Variants in SKI observed in about 807,000 individuals in gnomAD.
The protein encoded by SKI is SKI proto-oncogene.
Under a neutral mutation model 59.3 loss-of-function variants are expected in SKI, and 23 were observed. The observed-to-expected ratio is 0.39, with a 90% confidence interval of 0.28 to 0.55. The LOEUF is 0.55. SKI is among the 20% of genes least tolerant of loss of function. SKI has a pLI of 0.67. For missense variants in SKI, 1,017 were observed against 1,038.9 expected, an observed-to-expected ratio of 0.98 and a Z score of 0.29; for synonymous variants, 673 against 488.6, an observed-to-expected ratio of 1.38 and a Z score of -4.98.
At chr1:2,255,029 C>T (rs1282018750) in intron 1 of SKI, among the ~76,000 whole-genome samples, 1 of 152,164 alleles carries the variant, frequency 6.6e-6, no homozygotes, top group Non-Finnish European at 1.5e-5. Context: ...ACCCCACGTG[C>T]TTGTTAGGCC....
At chr1:2,238,062 G>T (rs1190227505) in intron 1 of SKI, among the ~76,000 whole-genome samples, 1 of 152,200 alleles carries the variant, frequency 6.6e-6, no homozygotes, top group Non-Finnish European at 1.5e-5. Flanking sequence ...CCAGGTCCCC[G>T]CCTGGTGTGG....
At chr1:2,262,133 C>G (rs1639400946) in intron 1 of SKI, among the ~76,000 whole-genome samples, 1 of 136,660 alleles carries the variant, frequency 7.3e-6, no homozygotes, top group Non-Finnish European at 1.5e-5. Flanking sequence ...GGCGTGGAAT[C>G]AGAGTTTGGG....
Position 2,228,886 on chromosome 1 carries a change from G to T in SKI, c.120G>T (p.Ala40=). ...TGGGCGGCCCGGCCGCTTTCTCGGC[G>T]CGCTGGGCGCAGGAGGCCTACAAGA... ...SSLGGPAAFS[A]RWAQEAYKKE... is the part of the protein sequence containing the mutation. Residue 40 remains alanine, a synonymous_variant, in exon 1 of 7, where the codon GCG becomes GCT. Transcript: ENST00000378536. The T allele has an allele frequency of 7.0e-7, 1 of 1,426,066 alleles. No individual in the cohort carries two copies. The highest frequency in any genetic ancestry group is 9.2e-7 in the Non-Finnish European group (1 of 1,085,684). The allele number at this position is 1,426,066 out of a possible 1,614,324, so 88.3% of individuals were successfully genotyped here.
At chr1:2,284,579 G>A (rs537034912) in intron 1 of SKI, among the ~76,000 whole-genome samples, 1 of 152,338 alleles carries the variant, frequency 6.6e-6, no homozygotes, top group East Asian at 1.9e-4. Context: ...CCCCAGTGGT[G>A]TGGGGGTGGT....
At chr1:2,259,342 A>C (rs1337527222) in intron 1 of SKI, among the ~76,000 whole-genome samples, 1 of 152,190 alleles carries the variant, frequency 6.6e-6, no homozygotes, top group African/African-American at 2.4e-5. Context: ...GAGAAAGAAT[A>C]ATTGTAACGC....
rs1159210913 is a variant in SKI at position 2,270,575 on chromosome 1, C to T, written c.970-32403C>T. 3.9e-5 allele frequency among the ~76,000 whole-genome samples: 6 copies of T among 152,182 alleles called. No individual in the cohort carries two copies. The highest frequency in any genetic ancestry group is 7.4e-5 in the Non-Finnish European group (5 of 68,020). On this transcript the variant is annotated intron_variant, in intron 1 of 6. Transcript: ENST00000378536. The surrounding 1 kb of genome is among the most constrained non-coding windows in gnomAD (Gnocchi z 4.1). The stretch of plus-strand genomic sequence containing the variant: ...GAGGGGGCGCTGGGGAAACAAGCTG[C>T]CGGCTGAGGAGGCCGCACTCCCCGT...
chr1:2,277,867 ACAT>A (rs1158763989), intron 1 of SKI, among the ~76,000 whole-genome samples: 5 of 151,378 alleles, frequency 3.3e-5, no homozygotes, highest in South Asian at 2.1e-4. Flanking sequence ...GTGCACACAC[ACAT>A]CAGCACCGTG....
In SKI at chr1:2,228,435, C is replaced by A. The variant is rs1638550232; in HGVS notation, c.-332C>A. Among the ~76,000 whole-genome samples the A allele has an allele frequency of 7.1e-6, 1 of 141,342 alleles. No homozygotes were observed. Among genetic ancestry groups the A allele is most frequent in the Non-Finnish European group, 1.6e-5 (1 of 64,212 alleles). The allele number at this position is 141,342 out of a possible 152,430, so 92.7% of individuals were successfully genotyped here. On this transcript the variant is annotated 5_prime_UTR_variant, in exon 1 of 7. Transcript: ENST00000378536. ...CCGCGAGCGTTGGCGTTGGCGTTGG[C>A]GGCGCGCGCCGGGGCATGCCCCGCG...
chr1:2,230,647 C>T (rs967055637), intron 1 of SKI, among the ~76,000 whole-genome samples: 5 of 152,278 alleles, frequency 3.3e-5, no homozygotes, highest in African/African-American at 1.2e-4. Flanking sequence ...TCCCAGGCCA[C>T]GAGGTGCCGA....
chr1:2,298,383 T>C (rs559513685), intron 1 of SKI, among the ~76,000 whole-genome samples: 3 of 152,276 alleles, frequency 2.0e-5, no homozygotes, highest in African/African-American at 7.2e-5. Flanking sequence ...GACATCATCA[T>C]GGCTGCTGCT....
intron 1 of SKI, among the ~76,000 whole-genome samples, chr1:2,241,036 C>G (rs1009666848): frequency 6.6e-6 from 1 of 152,198 alleles, no homozygotes; most frequent in Non-Finnish European, 1.5e-5. Context: ...CATCCCTGGC[C>G]TCTGCCATTT....
rs542076048 is a variant in SKI at position 2,267,864 on chromosome 1, C to T, written c.970-35114C>T. On this transcript the variant is annotated intron_variant, in intron 1 of 6. Transcript: ENST00000378536. The surrounding 1 kb of genome is among the most constrained non-coding windows in gnomAD (Gnocchi z 4.1). The stretch of plus-strand genomic sequence containing the variant: ...CTGCGAGATGTGTTTGAAAGTCACA[C>T]TTTGGTTCCAGGTCACAGCTTGAAC... Among the ~76,000 whole-genome samples the T allele has an allele frequency of 2.0e-5, 3 of 152,312 alleles. No homozygotes were observed. In the South Asian group the frequency reaches 6.2e-4, roughly 32 times the overall value.
At chr1:2,245,542 G>A (rs1024565000) in intron 1 of SKI, among the ~76,000 whole-genome samples, 2 of 152,048 alleles carry the variant, frequency 1.3e-5, no homozygotes, top group Non-Finnish European at 2.9e-5. Context: ...GCACGATCTC[G>A]GCTCACTGCA....
At chr1:2,282,435 C>T (rs1249932950) in intron 1 of SKI, among the ~76,000 whole-genome samples, 5 of 88,832 alleles carry the variant, frequency 5.6e-5, no homozygotes, top group Admixed American at 2.3e-4. Flanking sequence ...AGAAGACAGG[C>T]GGTGGCGGAG....
At position 2,229,856 on chromosome 1, in the gene SKI, G is replaced by C; in HGVS notation, c.969+121G>C. Reference sequence around the variant, plus strand: ...GCTTCTGCCGTGCCCCATGTCTCCAGTCTTCGCTTTGTTTTAGGGAAATTC... The same window carrying C: ...GCTTCTGCCGTGCCCCATGTCTCCACTCTTCGCTTTGTTTTAGGGAAATTC... On this transcript the variant is annotated intron_variant, in intron 1 of 6. Coordinates refer to ENST00000378536, the MANE Select transcript of SKI (RefSeq NM_003036.4). The surrounding 1 kb of genome is among the most constrained non-coding windows in gnomAD (Gnocchi z 6.3). 1 of 1,504,066 alleles carries C rather than the reference G, an allele frequency of 6.6e-7. No homozygotes were observed. 93.2% of individuals were successfully genotyped at this position (1,504,066 alleles called of 1,614,324 possible).
chr1:2,297,136 TCA>T (rs986377240), intron 1 of SKI, among the ~76,000 whole-genome samples: 1 of 152,052 alleles, frequency 6.6e-6, no homozygotes, highest in African/African-American at 2.4e-5. Context: ...AGACACGGTC[TCA>T]GTGTGTTGCT....
At chr1:2,251,645 G>A (rs996093304) in intron 1 of SKI, among the ~76,000 whole-genome samples, 2 of 152,192 alleles carry the variant, frequency 1.3e-5, no homozygotes, top group East Asian at 3.8e-4. Context: ...GCAGCATCTG[G>A]GGGGGCTGGC....
Position 2,228,706 on chromosome 1 carries a change from C to A in SKI, c.-61C>A, listed in dbSNP as rs1232633326. On this transcript the variant is annotated 5_prime_UTR_variant, in exon 1 of 7. Transcript: ENST00000378536. ...GCCGCCGGGGCGCGCGGGGCGGCGGCGGGGGCCGGGGGGGCCCGGGCGCGC... is the reference window on the plus strand; with the variant it reads ...GCCGCCGGGGCGCGCGGGGCGGCGGAGGGGGCCGGGGGGGCCCGGGCGCGC... 5 of 960,282 alleles carry A rather than the reference C, an allele frequency of 5.2e-6. No homozygotes were observed. The highest frequency in any genetic ancestry group is 6.2e-6 in the Non-Finnish European group (5 of 810,958). The allele number at this position is 960,282 out of a possible 1,614,324, so 59.5% of individuals were successfully genotyped here.
Position 2,306,556 on chromosome 1 carries a change from G to T in SKI, c.1999-21G>T. The T allele has an allele frequency of 1.9e-6, 3 of 1,538,880 alleles. 1 individual carries two copies. The South Asian group carries it at 3.6e-5, about 18-fold the overall frequency. On this transcript the variant is annotated intron_variant, in intron 6 of 6. Transcript: ENST00000378536. ...GGCAGGGCAGCGAGCAGGCGCCGCT[G>T]ACCACTCGGCTCCCTTTCAGATCGA...
Sources: gnomAD v4.1 joint callset for allele counts (sites outside exome capture counted in the v4.1 genomes callset) on GRCh38, gnomAD v4.1.1 for gene constraint, Gnocchi (gnomAD v3.1) non-coding constraint, MANE v1.5 for transcripts, NCBI Gene and HGNC (gene_info 2026-07-23, HGNC 2026-07-21) for gene names.